Variants in POLB observed in about 807,000 individuals in gnomAD.
POLB encodes the protein DNA polymerase beta.
Under a neutral mutation model 52.7 loss-of-function variants are expected in POLB, and 37 were observed. The observed-to-expected ratio is 0.70, with a 90% CI of 0.54 to 0.92. The LOEUF (loss-of-function observed/expected upper bound fraction) is 0.92, where lower values mean the gene tolerates loss of function less well. POLB is among the 40% of genes least tolerant of loss of function. POLB has a pLI of 0.00. For synonymous variants in POLB, 138 were observed against 131.3 expected (o/e 1.05, Z -0.35); for missense variants, 313 against 400.8 (o/e 0.78, Z 1.87).
intron 11 of POLB, 89 bp from the exon 12 acceptor site, chr8:42,369,182 A>C: frequency 1.3e-6 from 1 of 763,882 alleles, no homozygotes; most frequent in Non-Finnish European, 2.2e-6. Flanking sequence ...GCTAACATTA[A>C]AAACAAAAAT....
chr8:42,359,659 C>T (rs1422791713), intron 9 of POLB, among the ~76,000 whole-genome samples: 4 of 151,746 alleles, frequency 2.6e-5, no homozygotes, highest in African/African-American at 7.3e-5. Flanking sequence ...CCACCATGCC[C>T]GGCCCCTTAT....
Position 42,362,612 on chromosome 8 carries a change from C to T in POLB, c.622C>T (p.Pro208Ser), listed in dbSNP as rs1450499510. The change falls in exon 11 of 14, where the codon CCA becomes TCA. Residue 208 changes from proline (P) to serine (S), a missense_variant and splice_region_variant. By Grantham distance (74) the Pro-to-Ser change is moderately conservative. This residue lies in a region of POLB where 246 missense variants were observed against 297.6 expected (regional missense o/e 0.83). Transcript: ENST00000265421. ...TTATTCCCTAATTATGATTCTACAG[C>T]CAAAACTGTTACATCAGGTTGTGGA... ...PSFTSESTKQ[P>S]KLLHQVVEQL... 1.3e-6 allele frequency: 2 copies of T among 1,590,446 alleles called. No homozygotes were observed. Among genetic ancestry groups the T allele is most frequent in the African/African-American group, 2.7e-5 (2 of 74,498 alleles).
At chr8:42,371,431 T>C (rs1824388718) in intron 13 of POLB, 132 bp from the exon 14 acceptor site, 2 of 443,402 alleles carry the variant, frequency 4.5e-6, no homozygotes, top group Non-Finnish European at 8.1e-6. Flanking sequence ...CGGTCTTTTT[T>C]TTTTTAGTGA....
chr8:42,371,442 C>G, intron 13 of POLB, 121 bp from the exon 14 acceptor site: 1 of 429,354 alleles, frequency 2.3e-6, no homozygotes, highest in Non-Finnish European at 4.2e-6. Context: ...TTTTTAGTGA[C>G]TTGGTTACCA....
intron 11 of POLB, among the ~76,000 whole-genome samples, chr8:42,367,034 A>G (rs796478368): frequency 9.8e-5 from 15 of 152,310 alleles, no homozygotes; most frequent in African/African-American, 3.1e-4. Context: ...AAGAAGGGAT[A>G]GAAAGAGAGA....
At chr8:42,368,411 A>T (rs1044159952) in intron 11 of POLB, among the ~76,000 whole-genome samples, 6 of 152,260 alleles carry the variant, frequency 3.9e-5, no homozygotes, top group Admixed American at 3.9e-4. Flanking sequence ...GTGAAAAAGT[A>T]TGGCTTTTAG....
In POLB at chr8:42,349,000, C is replaced by T. The variant is rs1363481539; in HGVS notation, c.187-16C>T. ...TTATATTCATATGACTTTTATATTT[C>T]TAATTTTCCATGTAGCCTGGAGTAG... On this transcript the variant is annotated splice_polypyrimidine_tract_variant and intron_variant, in intron 3 of 13. Coordinates refer to ENST00000265421, the MANE Select transcript of POLB (RefSeq NM_002690.3). 6.7e-7 allele frequency: 1 copy of T among 1,481,494 alleles called. No homozygotes were observed. Among genetic ancestry groups the T allele is most frequent in the Non-Finnish European group, 9.4e-7 (1 of 1,068,046 alleles). 91.8% of individuals were successfully genotyped at this position (1,481,494 alleles called of 1,614,324 possible).
In POLB at chr8:42,345,636, G is replaced by A. The variant is rs563795421; in HGVS notation, c.186+617G>A. Among the ~76,000 whole-genome samples, 9 of 152,020 alleles carry A rather than the reference G, an allele frequency of 5.9e-5. 1 individual carries two copies. In the East Asian group the frequency reaches 1.6e-3, roughly 26 times the overall value. On this transcript the variant is annotated intron_variant, in intron 3 of 13. Transcript: ENST00000265421. ...TTTTTTTGAATATTTGTATTTGGTT[G>A]AATATTCCTAACCCAAAAATCCGAA... is the stretch of plus-strand genomic sequence containing the variant.
chr8:42,363,175 A>C (rs1823820871), intron 11 of POLB, among the ~76,000 whole-genome samples: 1 of 151,550 alleles, frequency 6.6e-6, no homozygotes, highest in Non-Finnish European at 1.5e-5. Context: ...TCTCATAGCT[A>C]CTCTCAGAAT....
chr8:42,357,482 T>G, intron 9 of POLB, 90 bp downstream of exon 9: 1 of 750,604 alleles, frequency 1.3e-6, no homozygotes, highest in Non-Finnish European at 2.4e-6. Context: ...AGATGTAATT[T>G]GTGGTACTTC....
intron 2 of POLB, among the ~76,000 whole-genome samples, chr8:42,343,422 G>A (rs1822379787): frequency 7.3e-6 from 1 of 137,410 alleles, no homozygotes; most frequent in African/African-American, 2.6e-5. Context: ...AGCTACTCAG[G>A]AGGCTAAGGC....
intron 7 of POLB, among the ~76,000 whole-genome samples, chr8:42,356,653 C>G (rs2130820770): frequency 6.6e-6 from 1 of 152,102 alleles, no homozygotes; most frequent in East Asian, 1.9e-4. Flanking sequence ...CTTTCTGTCT[C>G]TACGGATTTG....
At position 42,338,495 on chromosome 8, in the gene POLB, T is replaced by A. The variant is rs1056600594; in HGVS notation, c.-130T>A. ...CCCCGCCCCCCATCGGGGGCAACCATTGTTCCGCCGGTCGCGCCGGAGCTG... is the reference window on the plus strand; with the variant it reads ...CCCCGCCCCCCATCGGGGGCAACCAATGTTCCGCCGGTCGCGCCGGAGCTG... On this transcript the variant is annotated 5_prime_UTR_variant, in exon 1 of 14. The change creates a new upstream start codon in the 5' untranslated region. Coordinates refer to ENST00000265421, the MANE Select transcript of POLB (RefSeq NM_002690.3). The A allele has an allele frequency of 2.9e-6, 2 of 682,014 alleles. No homozygotes were observed. Among genetic ancestry groups the A allele is most frequent in the African/African-American group, 1.9e-5 (1 of 53,970 alleles). The allele number at this position is 682,014 out of a possible 1,614,324, so 42.2% of individuals were successfully genotyped here. A position where few individuals can be genotyped will look rare whatever the true frequency, so the allele number is the denominator to read the frequency against.
intron 2 of POLB, chr8:42,342,254 C>A: frequency 6.5e-7 from 1 of 1,546,206 alleles, no homozygotes; most frequent in Non-Finnish European, 8.8e-7. Context: ...ATTGTATTAT[C>A]GCCAGTCACC....
rs780164509 is a variant in POLB, at chr8:42,349,011, TG to T, written c.187-4del. ...TGACTTTTATATTTCTAATTTTCCA[TG>T]TAGCCTGGAGTAGGAACAAAAATTG... On this transcript the variant is annotated splice_region_variant and splice_polypyrimidine_tract_variant and intron_variant, in intron 3 of 13. Coordinates refer to ENST00000265421, the MANE Select transcript of POLB (RefSeq NM_002690.3). The T allele has an allele frequency of 6.5e-7, 1 of 1,546,836 alleles. No individual in the cohort carries two copies. Among genetic ancestry groups the T allele is most frequent in the Admixed American group, 1.7e-5 (1 of 58,350 alleles).
chr8:42,358,432 G>A (rs1823467641), intron 9 of POLB, among the ~76,000 whole-genome samples: 5 of 152,076 alleles, frequency 3.3e-5, no homozygotes, highest in Admixed American at 3.3e-4. Flanking sequence ...AACCTGGGAG[G>A]CGGAGCTTGC....
At chr8:42,357,476 G>A in intron 9 of POLB, 84 bp downstream of exon 9, 2 of 756,866 alleles carry the variant, frequency 2.6e-6, no homozygotes, top group East Asian at 2.5e-5. Context: ...TTAAAAAGAT[G>A]TAATTTGTGG....
At chr8:42,365,169 T>C (rs767257650) in intron 11 of POLB, among the ~76,000 whole-genome samples, 5 of 152,240 alleles carry the variant, frequency 3.3e-5, no homozygotes, top group Non-Finnish European at 7.3e-5. Flanking sequence ...CAAAAAATCA[T>C]GTCATTAAGT....
At chr8:42,345,067 T>C (rs1475852650) in intron 3 of POLB, 48 bp downstream of exon 3, 39 of 1,356,702 alleles carry the variant, frequency 2.9e-5, no homozygotes, top group Non-Finnish European at 4.0e-5. Flanking sequence ...GTGTCCAAAT[T>C]TGGTGGGTTC....
Sources: allele counts gnomAD v4.1 joint callset (sites outside exome capture counted in the v4.1 genomes callset), GRCh38; gene constraint gnomAD v4.1.1; regional missense constraint gnomAD v4.1.1; transcripts MANE v1.5; gene names NCBI Gene and HGNC (gene_info 2026-07-23, HGNC 2026-07-21).